Variants in ZNF454 observed in about 807,000 individuals in gnomAD.
ZNF454 encodes the protein zinc finger protein 454.
A neutral mutation model predicts 48.2 loss-of-function variants in ZNF454; 30 were observed. That is an observed-to-expected ratio of 0.62 (90% CI 0.47 to 0.84). ZNF454 has a LOEUF of 0.84. Ranked by LOEUF, ZNF454 falls within the 40% of genes least tolerant of loss-of-function variation. The pLI, the probability that ZNF454 is intolerant of heterozygous loss-of-function variation, is 0.00. For missense variants in ZNF454, 510 were observed against 623.1 expected (o/e 0.82, Z 1.93); for synonymous variants, 204 against 211.4 (o/e 0.97, Z 0.30).
chr5:178,966,669 G>T (rs1344863220), downstream of ZNF454, among the ~76,000 whole-genome samples: 3 of 152,034 alleles, frequency 2.0e-5, no homozygotes, highest in Middle Eastern at 3.2e-3. Flanking sequence ...TACGAGCGTT[G>T]CACTCTACTA....
chr5:178,965,004 T>C lies in ZNF454; in HGVS notation c.600T>C (p.His200=), dbSNP rs1239692007. The C allele has an allele frequency of 2.5e-6, 4 of 1,613,832 alleles. No individual in the cohort carries two copies. Among genetic ancestry groups the C allele is most frequent in the South Asian group, 1.1e-5 (1 of 91,062 alleles). ...CTCTTAATAAACATCAGAAAATTCA[T>C]AATGAAAAAAATGCAAATCAGAAAA... is the stretch of plus-strand genomic sequence containing the variant. ...SSTLNKHQKI[H]NEKNANQKIH... Residue 200 remains histidine (H), a synonymous_variant, in exon 5 of 5, where the codon CAT becomes CAC. Transcript: ENST00000519564. The surrounding 1 kb of genome is among the most constrained non-coding windows in gnomAD (Gnocchi z 5.2).
Position 178,941,494 on chromosome 5 carries a change from TC to T in ZNF454, c.-108+52del, listed in dbSNP as rs1490970017. Reference sequence around the variant, plus strand: ...GAGGGAGGACGGCCAGGGGTGGTCATCCTGGGCTGAGGGTCGAGTCTGTGAG... The same window carrying T: ...GAGGGAGGACGGCCAGGGGTGGTCATCTGGGCTGAGGGTCGAGTCTGTGAG... On this transcript the variant is annotated intron_variant, in intron 1 of 4. Transcript: ENST00000519564. The surrounding 1 kb of genome is among the most constrained non-coding windows in gnomAD (Gnocchi z 5.5). The T allele has an allele frequency of 2.2e-6, 1 of 456,610 alleles. No homozygotes were observed. Among genetic ancestry groups the T allele is most frequent in the Admixed American group, 2.3e-5 (1 of 42,576 alleles). 28.3% of individuals were successfully genotyped at this position (456,610 alleles called of 1,614,324 possible). A position where few individuals can be genotyped will look rare whatever the true frequency, so the allele number is the denominator to read the frequency against.
chr5:178,958,696 C>T lies in ZNF454; in HGVS notation c.251-5959C>T, dbSNP rs114840372. ...TTATACTAATTTATACTCCTACCGG[C>T]GAAATGCAAGGTTTCCATATCAACT... On this transcript the variant is annotated intron_variant, in intron 4 of 4. Transcript: ENST00000519564. 1.6e-3 allele frequency among the ~76,000 whole-genome samples: 250 copies of T among 152,290 alleles called. 1 individual carries two copies. Among genetic ancestry groups the T allele is most frequent in the Non-Finnish European group, 2.9e-3 (195 of 68,028 alleles).
At chr5:178,982,692 T>TG in the ZNF454 span, 6 of 432,674 alleles carry the variant, frequency 1.4e-5, no homozygotes, top group East Asian at 3.4e-5. Context: ...ATGAAAATGA[T>TG]AAAAAAAAAA....
At chr5:178,989,157 A>G in the ZNF454 span, 1 of 1,611,468 alleles carries the variant, frequency 6.2e-7, no homozygotes, top group East Asian at 2.2e-5. Flanking sequence ...ATGCCCAGAG[A>G]AAGTGTGCCC....
At chr5:178,967,742 C>CTTTTTTTTTTTTTTTTTT (rs10694687), downstream of ZNF454, among the ~76,000 whole-genome samples, 1 of 129,512 alleles carries the variant, frequency 7.7e-6, no homozygotes, top group Non-Finnish European at 1.6e-5. Flanking sequence ...TTTTCTTTTT[C>CTTTTTTTTTTTTTTTTTT]TTTTTTTTTT....
At chr5:178,951,959 C>T (rs1019275300) in intron 4 of ZNF454, among the ~76,000 whole-genome samples, 2 of 151,824 alleles carry the variant, frequency 1.3e-5, no homozygotes, top group Non-Finnish European at 2.9e-5. Context: ...TCTAAAAATT[C>T]TGTTAGTCTT....
At chr5:178,973,001 A>G in the ZNF454 span, among the ~76,000 whole-genome samples, 7 of 151,664 alleles carry the variant, frequency 4.6e-5, no homozygotes, top group African/African-American at 1.5e-4. Context: ...AGGTAAAAAA[A>G]AAAAAAAACC....
intron 4 of ZNF454, among the ~76,000 whole-genome samples, chr5:178,957,672 A>G (rs1759833801): frequency 6.6e-6 from 1 of 152,058 alleles, no homozygotes; most frequent in South Asian, 2.1e-4. Context: ...GGTCTCCTTA[A>G]TTTAGCCTAC....
Position 178,946,544 on chromosome 5 carries a change from C to T in ZNF454, c.160+59C>T. 1 of 1,541,278 alleles carries T rather than the reference C, an allele frequency of 6.5e-7. No homozygotes were observed. Among genetic ancestry groups the T allele is most frequent in the East Asian group, 2.3e-5 (1 of 43,938 alleles). Reference sequence around the variant, plus strand: ...TTTGGGGATCTCTTTGGGACCCTTACATTGACACCATATAGAAGAGTCGGT... The same window carrying T: ...TTTGGGGATCTCTTTGGGACCCTTATATTGACACCATATAGAAGAGTCGGT... On this transcript the variant is annotated intron_variant, in intron 3 of 4. Transcript: ENST00000519564. The surrounding 1 kb of genome is among the most constrained non-coding windows in gnomAD (Gnocchi z 4.5).
chr5:178,974,480 G>A, the ZNF454 span, among the ~76,000 whole-genome samples: 47 of 152,198 alleles, frequency 3.1e-4, 1 homozygote, highest in Non-Finnish European at 3.4e-4. Flanking sequence ...CACCATGCCC[G>A]GCTAATTTTT....
chr5:178,944,137 A>G lies in ZNF454; in HGVS notation c.33+1313A>G, dbSNP rs1759223031. 1.3e-5 allele frequency among the ~76,000 whole-genome samples: 2 copies of G among 152,258 alleles called. No individual in the cohort carries two copies. The highest frequency in any genetic ancestry group is 4.8e-5 in the African/African-American group (2 of 41,468). ...AAATTGTTCTAATTCCTTCACATTT[A>G]AACCTCCCCAAGGACTGGGATGTGT... On this transcript the variant is annotated intron_variant, in intron 2 of 4. Coordinates refer to ENST00000519564, the MANE Select transcript of ZNF454 (RefSeq NM_001178089.3). This position sits in a 1 kb window ranked among gnomAD's most constrained non-coding sequence, Gnocchi z 4.1.
At chr5:178,969,583 C>T (rs770259288), downstream of ZNF454, 8 of 456,766 alleles carry the variant, frequency 1.8e-5, no homozygotes, top group Admixed American at 7.0e-5. Context: ...TGTCTTCACA[C>T]GTCCAGCCTG....
Position 178,946,915 on chromosome 5 carries a change from C to T in ZNF454, c.179C>T (p.Pro60Leu), listed in dbSNP as rs1301112829. 1 of 1,614,088 alleles carries T rather than the reference C, an allele frequency of 6.2e-7. No homozygotes were observed. The highest frequency in any genetic ancestry group is 1.1e-5 in the South Asian group (1 of 91,082). Residue 60 changes from proline to leucine, a missense_variant, in exon 4 of 5, where the codon CCA (proline) becomes CTA (leucine). Physicochemically the swap from Pro to Leu is moderately conservative, Grantham distance 98. Around this residue, in one of 3 missense-constraint regions of ZNF454, gnomAD observed 354 missense variants for 408.9 expected, o/e 0.87. Coordinates refer to ENST00000519564, the MANE Select transcript of ZNF454 (RefSeq NM_001178089.3). The surrounding 1 kb of genome is among the most constrained non-coding windows in gnomAD (Gnocchi z 4.5). ...AAAACAGGACTCTTAGGACCCAAAC[C>T]AGATACGTTTTCCCAGCTAGAAAAA... is the stretch of plus-strand genomic sequence containing the variant. ...LVSLGLLGPK[P>L]DTFSQLEKRE...
chr5:178,977,339 C>T, the ZNF454 span: 1 of 447,082 alleles, frequency 2.2e-6, no homozygotes, highest in Non-Finnish European at 4.5e-6. Context: ...GGTGCCCTCA[C>T]ACTTCCCACC....
chr5:178,956,970 G>T lies in ZNF454; in HGVS notation c.251-7685G>T, dbSNP rs1036414249. ...ACAATCTCGGCTCACTGCAAGCTCCGCCTCCCGAGTTCAAGCGATTCTCCT... is the reference window on the plus strand; with the variant it reads ...ACAATCTCGGCTCACTGCAAGCTCCTCCTCCCGAGTTCAAGCGATTCTCCT... On this transcript the variant is annotated intron_variant, in intron 4 of 4. Transcript: ENST00000519564. 95 of 226,978 alleles carry T rather than the reference G, an allele frequency of 4.2e-4. 1 individual carries two copies. The highest frequency in any genetic ancestry group is 2.1e-3 in the African/African-American group (90 of 43,180). 14.1% of individuals were successfully genotyped at this position (226,978 alleles called of 1,614,324 possible).
the ZNF454 span, chr5:178,989,479 T>G: frequency 6.3e-7 from 1 of 1,593,676 alleles, no homozygotes; most frequent in Non-Finnish European, 8.6e-7. Context: ...TCTCTGCCAC[T>G]TGCTCACTTT....
At position 178,949,479 on chromosome 5, in the gene ZNF454, G is replaced by A. The variant is rs150575148; in HGVS notation, c.250+2493G>A. 8.6e-3 allele frequency among the ~76,000 whole-genome samples: 1,306 copies of A among 152,220 alleles called. 16 individuals carry two copies. Among genetic ancestry groups the A allele is most frequent in the Non-Finnish European group, 0.013 (911 of 68,016 alleles). On this transcript the variant is annotated intron_variant, in intron 4 of 4. Transcript: ENST00000519564. ...TGTTTTTTGTCCACTGGGAATTTCT[G>A]CTATGATGACGTGCTGGTCATTTTC...
chr5:178,943,679 C>T (rs900541859), intron 2 of ZNF454, among the ~76,000 whole-genome samples: 11 of 152,296 alleles, frequency 7.2e-5, no homozygotes, highest in African/African-American at 2.4e-4. Flanking sequence ...GACTATTCTG[C>T]CAAAAAGTCC....
Sources: gnomAD v4.1 joint callset for allele counts (sites outside exome capture counted in the v4.1 genomes callset) on GRCh38, gnomAD v4.1.1 for gene constraint, gnomAD v4.1.1 regional missense constraint, Gnocchi (gnomAD v3.1) non-coding constraint, MANE v1.5 for transcripts, NCBI Gene and HGNC (gene_info 2026-07-23, HGNC 2026-07-21) for gene names.